NRXN1: variants seen among roughly 807,000 people sequenced by gnomAD.
NRXN1 encodes the protein neurexin 1.
NRXN1 carries 39 observed loss-of-function variants against 150.9 expected under a neutral mutation model. That is an observed-to-expected ratio of 0.26 (90% CI 0.20 to 0.34). The LOEUF (loss-of-function observed/expected upper bound fraction) is 0.34. NRXN1 is among the 10% of genes least tolerant of loss of function. NRXN1 has a pLI of 1.00. For synonymous variants in NRXN1, 924 were observed against 757.0 expected (o/e 1.22, Z -3.62); for missense variants, 1,815 against 1,949.9 (o/e 0.93, Z 1.30).
At chr2:50,948,380 G>A (rs1690750474) in intron 2 of NRXN1, among the ~76,000 whole-genome samples, 1 of 151,868 alleles carries the variant, frequency 6.6e-6, no homozygotes, top group Non-Finnish European at 1.5e-5. Context: ...CTAATCCCTG[G>A]ATGCCTTTTA....
At chr2:50,627,410 T>G (rs1253582012) in intron 5 of NRXN1, among the ~76,000 whole-genome samples, 1 of 149,500 alleles carries the variant, frequency 6.7e-6, no homozygotes, top group African/African-American at 2.5e-5. Context: ...TACTAATAAT[T>G]ATATATGAAA....
intron 5 of NRXN1, among the ~76,000 whole-genome samples, chr2:50,881,656 G>A (rs1679448317): frequency 6.6e-6 from 1 of 151,810 alleles, no homozygotes; most frequent in Non-Finnish European, 1.5e-5. Context: ...CTGGAAGAGT[G>A]GAATCAGGGG....
At chr2:50,946,117 G>C (rs1690345884) in intron 2 of NRXN1, among the ~76,000 whole-genome samples, 1 of 151,852 alleles carries the variant, frequency 6.6e-6, no homozygotes, top group Admixed American at 6.6e-5. Context: ...GGATCCCATG[G>C]GGCTGCCATG....
chr2:50,468,811 G>C (rs1247460116), intron 16 of NRXN1, among the ~76,000 whole-genome samples: 1 of 151,402 alleles, frequency 6.6e-6, no homozygotes, highest in South Asian at 2.1e-4. Context: ...CTATTGTATA[G>C]AGTCTTGATG....
intron 5 of NRXN1, among the ~76,000 whole-genome samples, chr2:50,749,431 C>G (rs1009843527): frequency 1.3e-5 from 2 of 152,072 alleles, no homozygotes; most frequent in Admixed American, 1.3e-4. Flanking sequence ...ATCCCACGCC[C>G]TTTCCTGATT....
At chr2:50,975,265 T>C (rs1289438788) in intron 2 of NRXN1, among the ~76,000 whole-genome samples, 1 of 152,204 alleles carries the variant, frequency 6.6e-6, no homozygotes, top group South Asian at 2.1e-4. Flanking sequence ...CATAACCATA[T>C]AAACAAAAAC....
chr2:50,150,356 C>T (rs746095465), intron 18 of NRXN1, among the ~76,000 whole-genome samples: 22 of 151,778 alleles, frequency 1.4e-4, no homozygotes, highest in Non-Finnish European at 2.7e-4. Flanking sequence ...GCACAGTCCA[C>T]ATTCTTGCTG....
intron 5 of NRXN1, among the ~76,000 whole-genome samples, chr2:50,920,726 T>C (rs1017737114): frequency 7.2e-5 from 11 of 151,918 alleles, no homozygotes; most frequent in Admixed American, 1.3e-4. Context: ...TGATACATAC[T>C]GTCATTTGCA....
At chr2:49,930,320 CA>C (rs1393367307) in intron 22 of NRXN1, among the ~76,000 whole-genome samples, 3 of 152,010 alleles carry the variant, frequency 2.0e-5, no homozygotes, top group Non-Finnish European at 4.4e-5. Context: ...ATGAAAATGA[CA>C]AAGGAGGGAA....
intron 5 of NRXN1, among the ~76,000 whole-genome samples, chr2:50,865,615 T>TG (rs1559368400): frequency 7.2e-6 from 1 of 138,382 alleles, no homozygotes. Context: ...TGTGTGTGTG[T>TG]AGTAGCACCT....
At chr2:50,873,203 A>G (rs906562708) in intron 5 of NRXN1, among the ~76,000 whole-genome samples, 2 of 151,866 alleles carry the variant, frequency 1.3e-5, no homozygotes, top group Admixed American at 1.3e-4. Context: ...TATAAGGATC[A>G]AATGAGATAA....
chr2:49,964,481 G>A (rs1415687781), intron 21 of NRXN1, among the ~76,000 whole-genome samples: 1 of 151,956 alleles, frequency 6.6e-6, no homozygotes, highest in Non-Finnish European at 1.5e-5. Flanking sequence ...TCGGGAGGCT[G>A]AGGCGGGAAA....
chr2:50,915,476 T>C (rs998514640), intron 5 of NRXN1, among the ~76,000 whole-genome samples: 2 of 151,632 alleles, frequency 1.3e-5, no homozygotes, highest in Non-Finnish European at 3.0e-5. Context: ...GCCTATTTCA[T>C]CCTCATTATT....
chr2:50,700,828 C>T (rs1425171963), intron 5 of NRXN1, among the ~76,000 whole-genome samples: 2 of 150,732 alleles, frequency 1.3e-5, no homozygotes, highest in African/African-American at 4.9e-5. Context: ...TTGAGACGCC[C>T]GGCTAATTTT....
At chr2:50,665,757 T>C (rs1047196009) in intron 5 of NRXN1, among the ~76,000 whole-genome samples, 1 of 151,882 alleles carries the variant, frequency 6.6e-6, no homozygotes, top group Admixed American at 6.6e-5. Context: ...AAAAAACACA[T>C]GTTTGGATGG....
chr2:50,538,819 T>C (rs2093327521), intron 9 of NRXN1, among the ~76,000 whole-genome samples, 183 bp from the exon 10 acceptor site: 1 of 138,300 alleles, frequency 7.2e-6, no homozygotes. Flanking sequence ...TAAGAAACTT[T>C]AGAAATAAAA....
intron 17 of NRXN1, among the ~76,000 whole-genome samples, chr2:50,460,591 AAAG>A (rs1289728552): frequency 5.3e-5 from 8 of 152,224 alleles, no homozygotes; most frequent in African/African-American, 1.9e-4. Context: ...TCAATTCTAA[AAAG>A]AAGAACAAAG....
At chr2:50,531,591 A>G (rs2093114779) in intron 10 of NRXN1, among the ~76,000 whole-genome samples, 161 bp from the exon 11 acceptor site, 1 of 152,158 alleles carries the variant, frequency 6.6e-6, no homozygotes, top group South Asian at 2.1e-4. Flanking sequence ...TGTGAGCTGG[A>G]AAGAGAAGTC....
At chr2:50,277,344 G>A (rs2070641442) in intron 17 of NRXN1, among the ~76,000 whole-genome samples, 2 of 89,644 alleles carry the variant, frequency 2.2e-5, no homozygotes, top group South Asian at 7.3e-4. Flanking sequence ...AATGTGAGCA[G>A]TTGACATTGC....
Sources: allele counts gnomAD v4.1 joint callset (sites outside exome capture counted in the v4.1 genomes callset), GRCh38; gene constraint gnomAD v4.1.1; transcripts MANE v1.5; gene names NCBI Gene and HGNC (gene_info 2026-07-23, HGNC 2026-07-21).